VWA3B: variants seen among roughly 807,000 people sequenced by gnomAD.
VWA3B encodes von Willebrand factor A domain containing 3B.
Under a neutral mutation model 158.3 loss-of-function variants are expected in VWA3B, and 138 were observed. The observed-to-expected ratio is 0.87, with a 90% confidence interval of 0.76 to 1.00. VWA3B has a LOEUF of 1.00. Among genes scored for constraint, VWA3B ranks in the 50% least tolerant of loss-of-function variants. The probability of loss-of-function intolerance (pLI) is 0.00; values close to 1 mark genes in which losing one functional copy is unlikely to be tolerated. For missense variants in VWA3B, 1,555 were observed against 1,565.1 expected, an observed-to-expected ratio of 0.99 and a Z score of 0.11; for synonymous variants, 596 against 587.3, an observed-to-expected ratio of 1.01 and a Z score of -0.21.
At chr2:98,261,179 T>C (rs1687456947) in intron 21 of VWA3B, among the ~76,000 whole-genome samples, 1 of 151,842 alleles carries the variant, frequency 6.6e-6, no homozygotes, top group Admixed American at 6.6e-5. Flanking sequence ...TCCTTTTCTG[T>C]ATACTTTTTA....
chr2:98,162,467 A>AG (rs1306078137), intron 7 of VWA3B, among the ~76,000 whole-genome samples: 5 of 152,166 alleles, frequency 3.3e-5, no homozygotes, highest in African/African-American at 1.2e-4. Flanking sequence ...CGAAAGGATT[A>AG]GGGGTTGTTG....
chr2:98,244,508 T>C (rs926521499), intron 19 of VWA3B, among the ~76,000 whole-genome samples: 1 of 152,204 alleles, frequency 6.6e-6, no homozygotes, highest in African/African-American at 2.4e-5. Context: ...TTTCATCCCA[T>C]GTCTCAACTA....
At chr2:98,206,580 T>C (rs1381325086) in intron 12 of VWA3B, 4 of 478,592 alleles carry the variant, frequency 8.4e-6, no homozygotes, top group South Asian at 1.9e-5. Flanking sequence ...AGCAGAATCA[T>C]GAACATCATT....
Position 98,093,301 on chromosome 2 carries a change from C to T in VWA3B, c.196+13C>T, listed in dbSNP as rs1162174898. 3.1e-6 allele frequency: 5 copies of T among 1,610,994 alleles called. No homozygotes were observed. Among genetic ancestry groups the T allele is most frequent in the Non-Finnish European group, 4.2e-6 (5 of 1,177,606 alleles). ...CCACATTGTGAAGGTACAGTACTCA[C>T]AAACAACCAGCATGCTGCCATTTAG... On this transcript the variant is annotated intron_variant, in intron 2 of 27. Transcript: ENST00000477737.
the VWA3B span, among the ~76,000 whole-genome samples, chr2:98,327,048 A>G: frequency 6.6e-6 from 1 of 151,840 alleles, no homozygotes; most frequent in Non-Finnish European, 1.5e-5. Context: ...TAATCCCAGC[A>G]CTTTGGGAAG....
intron 22 of VWA3B, among the ~76,000 whole-genome samples, chr2:98,273,542 A>G (rs920933774): frequency 6.6e-6 from 1 of 152,194 alleles, no homozygotes; most frequent in African/African-American, 2.4e-5. Flanking sequence ...CCTAAGACTC[A>G]AGAGGACCAA....
chr2:98,142,131 G>T (rs1341280958), intron 7 of VWA3B, among the ~76,000 whole-genome samples: 1 of 152,198 alleles, frequency 6.6e-6, no homozygotes, highest in Non-Finnish European at 1.5e-5. Context: ...AGGAGGTGGG[G>T]TCTAGTCGTT....
At chr2:98,142,650 C>T (rs1046550214) in intron 7 of VWA3B, among the ~76,000 whole-genome samples, 2 of 152,150 alleles carry the variant, frequency 1.3e-5, no homozygotes, top group African/African-American at 4.8e-5. Flanking sequence ...ATAAATGTGA[C>T]CTTCTGTAAG....
rs192252138 is a variant in VWA3B at position 98,249,358 on chromosome 2, T to C, written c.2674-960T>C. 1.4e-3 allele frequency among the ~76,000 whole-genome samples: 220 copies of C among 152,228 alleles called. 3 individuals carry two copies. Among genetic ancestry groups the C allele is most frequent in the African/African-American group, 5.2e-3 (214 of 41,518 alleles). On this transcript the variant is annotated intron_variant, in intron 19 of 27. Coordinates refer to ENST00000477737, the MANE Select transcript of VWA3B (RefSeq NM_144992.5). ...TAGAGAGAGGTAGGTAATATGCAAATAGGTAAACATAAAGTTACAGTTACT... is the reference window on the plus strand; with the variant it reads ...TAGAGAGAGGTAGGTAATATGCAAACAGGTAAACATAAAGTTACAGTTACT...
chr2:98,203,315 A>G (rs1682742376), intron 12 of VWA3B, among the ~76,000 whole-genome samples: 2 of 152,232 alleles, frequency 1.3e-5, no homozygotes, highest in East Asian at 3.8e-4. Context: ...CATTAGGACC[A>G]CACTTTCTTG....
intron 2 of VWA3B, among the ~76,000 whole-genome samples, chr2:98,097,570 G>A (rs1682802162): frequency 6.6e-6 from 1 of 152,140 alleles, no homozygotes; most frequent in Non-Finnish European, 1.5e-5. Flanking sequence ...ATGTGCAGGT[G>A]TCCTTTTAAG....
At chr2:98,169,955 C>G (rs1558630195) in intron 8 of VWA3B, among the ~76,000 whole-genome samples, 1 of 151,458 alleles carries the variant, frequency 6.6e-6, no homozygotes, top group Non-Finnish European at 1.5e-5. Flanking sequence ...CCCGCCTCAA[C>G]AAAAAAAATG....
At chr2:98,221,309 C>CCA (rs978647603) in intron 14 of VWA3B, among the ~76,000 whole-genome samples, 3 of 152,150 alleles carry the variant, frequency 2.0e-5, no homozygotes, top group African/African-American at 7.2e-5. Context: ...AGCCTGTTCC[C>CCA]CACCACCCCT....
chr2:98,222,751 G>GAAGACC (rs1684615353), intron 14 of VWA3B, among the ~76,000 whole-genome samples: 1 of 152,234 alleles, frequency 6.6e-6, no homozygotes, highest in East Asian at 1.9e-4. Context: ...GATTCGCAAA[G>GAAGACC]AAGACCAAGA....
At chr2:98,218,199 G>A (rs906696726) in intron 14 of VWA3B, among the ~76,000 whole-genome samples, 171 bp downstream of exon 14, 1 of 152,128 alleles carries the variant, frequency 6.6e-6, no homozygotes, top group African/African-American at 2.4e-5. Context: ...GTAGCCCAAG[G>A]ACCACCTGAG....
intron 22 of VWA3B, among the ~76,000 whole-genome samples, chr2:98,290,289 A>G (rs1689409133): frequency 6.6e-6 from 1 of 152,150 alleles, no homozygotes; most frequent in South Asian, 2.1e-4. Flanking sequence ...ATCTTTTGAT[A>G]ACTTTATCAC....
At chr2:98,287,876 G>A (rs552462150) in intron 22 of VWA3B, among the ~76,000 whole-genome samples, 1 of 152,186 alleles carries the variant, frequency 6.6e-6, no homozygotes, top group South Asian at 2.1e-4. Context: ...TTGTCTTAGA[G>A]TACATGGTCT....
intron 2 of VWA3B, among the ~76,000 whole-genome samples, chr2:98,101,977 C>T (rs181590202): frequency 3.3e-5 from 5 of 151,976 alleles, no homozygotes; most frequent in African/African-American, 1.2e-4. Flanking sequence ...CAGATAAACA[C>T]GTGAACAAAG....
chr2:98,181,258 T>TC, intron 9 of VWA3B, 46 bp downstream of exon 9: 1 of 1,590,976 alleles, frequency 6.3e-7, no homozygotes, highest in Non-Finnish European at 8.6e-7. Flanking sequence ...TCCCCTCAAG[T>TC]CCTGGGTGGG....
Sources: allele counts gnomAD v4.1 joint callset (sites outside exome capture counted in the v4.1 genomes callset), GRCh38; gene constraint gnomAD v4.1.1; transcripts MANE v1.5; gene names NCBI Gene and HGNC (gene_info 2026-07-23, HGNC 2026-07-21).